Variants in KIF6 observed in about 807,000 individuals in gnomAD.
KIF6 encodes the protein kinesin-like protein KIF6.
In KIF6, 106 loss-of-function variants were observed where a neutral mutation model predicts 112.7. That is an observed-to-expected ratio of 0.94 (90% confidence interval 0.80 to 1.11). The LOEUF is 1.11. KIF6 is among the 50% of genes least tolerant of loss of function. The pLI, the probability that KIF6 is intolerant of heterozygous loss-of-function variation, is 0.00. For synonymous variants in KIF6, 339 were observed against 339.9 expected (o/e 1.00, Z 0.03); for missense variants, 929 against 964.0 (o/e 0.96, Z 0.48).
At chr6:39,361,330 G>A (rs559382036) in intron 17 of KIF6, among the ~76,000 whole-genome samples, 1 of 152,050 alleles carries the variant, frequency 6.6e-6, no homozygotes, top group East Asian at 1.9e-4. Flanking sequence ...AGGCTGAGGC[G>A]GGTGGATCAC....
At chr6:39,587,517 C>G (rs775466304) in intron 7 of KIF6, among the ~76,000 whole-genome samples, 25 of 152,196 alleles carry the variant, frequency 1.6e-4, no homozygotes, top group Non-Finnish European at 3.4e-4. Flanking sequence ...TGTGATCTCT[C>G]TCTCTCAAAA....
Position 39,336,543 on chromosome 6 carries a change from C to T in KIF6, c.2434G>A (p.Gly812Arg). Residue 812 changes from glycine to arginine, a missense_variant, in exon 23 of 23, where the codon GGA becomes AGA. Gly to Arg is a moderately radical substitution (Grantham distance 125). Around this residue, in one of 2 missense-constraint regions of KIF6, gnomAD observed 241 missense variants for 301.4 expected, o/e 0.80. Coordinates refer to ENST00000287152, the MANE Select transcript of KIF6 (RefSeq NM_145027.6). ...TATTTCCTGGAAATTCAATTGCTTC[C>T]CAAACCTGAAAGGGAGACAGGATGC... ...RQSILQKQCLGSN is the reference protein window; with the variant it reads ...RQSILQKQCLRSN 1 of 1,614,004 alleles carries T rather than the reference C, an allele frequency of 6.2e-7. No homozygotes were observed. The highest frequency in any genetic ancestry group is 8.5e-7 in the Non-Finnish European group (1 of 1,179,908).
intron 5 of KIF6, among the ~76,000 whole-genome samples, chr6:39,632,001 T>G (rs1430151447): frequency 6.6e-6 from 1 of 152,182 alleles, no homozygotes; most frequent in East Asian, 1.9e-4. Flanking sequence ...TTAATCACCT[T>G]TGATTGTTAA....
intron 3 of KIF6, among the ~76,000 whole-genome samples, chr6:39,664,835 C>T (rs1786372703): frequency 6.6e-6 from 1 of 151,988 alleles, no homozygotes; most frequent in African/African-American, 2.4e-5. Flanking sequence ...CCTGGAAGAT[C>T]AAAATCTGGG....
At chr6:39,471,699 A>C (rs1341061480) in intron 13 of KIF6, among the ~76,000 whole-genome samples, 1 of 152,154 alleles carries the variant, frequency 6.6e-6, no homozygotes, top group Non-Finnish European at 1.5e-5. Flanking sequence ...GGTAACTCCT[A>C]TTTTTGTAAT....
rs573311257 is a variant in KIF6 at position 39,647,704 on chromosome 6, T to C, written c.252-7947A>G. ...AACCTAGGTCAAACAGTGAAGGCCC[T>C]GATTTTTTTTTTTTTTTTTTGAGAC... On this transcript the variant is annotated intron_variant, in intron 3 of 22. Transcript: ENST00000287152. 1.4e-3 allele frequency among the ~76,000 whole-genome samples: 203 copies of C among 147,344 alleles called. 1 individual carries two copies. The highest frequency in any genetic ancestry group is 5.0e-3 in the African/African-American group (194 of 38,938).
chr6:39,356,866 C>T (rs1386113564), intron 19 of KIF6, among the ~76,000 whole-genome samples: 1 of 152,150 alleles, frequency 6.6e-6, no homozygotes, highest in Non-Finnish European at 1.5e-5. Context: ...CTACCTGGAT[C>T]CTGGCTAGGA....
intron 5 of KIF6, among the ~76,000 whole-genome samples, chr6:39,621,946 A>G (rs936823331): frequency 9.9e-5 from 15 of 152,076 alleles, no homozygotes; most frequent in African/African-American, 2.9e-4. Flanking sequence ...TGGGTGGATC[A>G]CCTGAGGTCA....
intron 15 of KIF6, among the ~76,000 whole-genome samples, chr6:39,419,689 C>T (rs575028237): frequency 1.3e-5 from 2 of 152,298 alleles, no homozygotes; most frequent in East Asian, 3.9e-4. Flanking sequence ...AAAAGCACAA[C>T]TCTCTGATTG....
intron 7 of KIF6, among the ~76,000 whole-genome samples, chr6:39,589,446 C>T (rs949511911): frequency 2.6e-5 from 4 of 152,228 alleles, no homozygotes; most frequent in African/African-American, 7.2e-5. Context: ...GCTCGACCCC[C>T]ACTGCGGAGA....
At position 39,343,686 on chromosome 6, in the gene KIF6, G is replaced by A. The variant is rs762601987; in HGVS notation, c.2428+23C>T. The A allele has an allele frequency of 1.2e-5, 19 of 1,552,464 alleles. No homozygotes were observed. Among genetic ancestry groups the A allele is most frequent in the Non-Finnish European group, 1.7e-5 (19 of 1,136,750 alleles). ...GTTGGTGACCTGCTGCCCAGGAGGA[G>A]CCACCGAGGGAGGTGCACTTACATT... On this transcript the variant is annotated intron_variant, in intron 22 of 22. Transcript: ENST00000287152. This position sits in a 1 kb window ranked among gnomAD's most constrained non-coding sequence, Gnocchi z 4.1.
intron 13 of KIF6, among the ~76,000 whole-genome samples, chr6:39,437,579 T>C (rs1370370381): frequency 6.6e-6 from 1 of 152,226 alleles, no homozygotes; most frequent in Non-Finnish European, 1.5e-5. Context: ...GCCACCATGC[T>C]ACTGGACAGT....
intron 3 of KIF6, among the ~76,000 whole-genome samples, chr6:39,697,413 A>C (rs1196627491): frequency 6.6e-6 from 1 of 152,202 alleles, no homozygotes; most frequent in Non-Finnish European, 1.5e-5. Flanking sequence ...CTGAGACTGA[A>C]GTCAACATAT....
At chr6:39,432,052 G>C (rs757584358) in intron 13 of KIF6, among the ~76,000 whole-genome samples, 2 of 151,612 alleles carry the variant, frequency 1.3e-5, no homozygotes, top group African/African-American at 4.9e-5. Context: ...TGGAGCTTTC[G>C]TCAAAGCCCA....
At chr6:39,560,221 G>T (rs557335194) in intron 10 of KIF6, among the ~76,000 whole-genome samples, 14 of 152,204 alleles carry the variant, frequency 9.2e-5, no homozygotes, top group Non-Finnish European at 1.9e-4. Flanking sequence ...GCCCAGTGCT[G>T]CTGCTCTTAT....
intron 15 of KIF6, among the ~76,000 whole-genome samples, chr6:39,389,255 A>T (rs948541174): frequency 2.0e-5 from 3 of 151,814 alleles, no homozygotes; most frequent in African/African-American, 7.3e-5. Flanking sequence ...TAAGCTTCAC[A>T]CTCTATTTTG....
rs137958880 is a variant in KIF6 at position 39,594,621 on chromosome 6, C to G, written c.846+1433G>C. ...ATGTGCACCTTGTTCAGATAGGGTC[C>G]CTTAGGTTTCTCTCCATCTGCGTTT... is the stretch of plus-strand genomic sequence containing the variant. On this transcript the variant is annotated intron_variant, in intron 7 of 22. Transcript: ENST00000287152. Among the ~76,000 whole-genome samples, 1,243 of 152,206 alleles carry G rather than the reference C, an allele frequency of 8.2e-3. 13 individuals are homozygous for G. Among genetic ancestry groups the G allele is most frequent in the Non-Finnish European group, 0.011 (755 of 67,998 alleles).
At chr6:39,484,594 G>A (rs1775006850) in intron 13 of KIF6, among the ~76,000 whole-genome samples, 1 of 152,122 alleles carries the variant, frequency 6.6e-6, no homozygotes, top group East Asian at 1.9e-4. Context: ...TAAAGACTTT[G>A]AACTTTATTT....
At chr6:39,453,324 C>T (rs1210418354) in intron 13 of KIF6, among the ~76,000 whole-genome samples, 1 of 152,136 alleles carries the variant, frequency 6.6e-6, no homozygotes, top group Non-Finnish European at 1.5e-5. Context: ...GAAATGGGTC[C>T]AGGGTGGACT....
Sources: allele counts gnomAD v4.1 joint callset (sites outside exome capture counted in the v4.1 genomes callset), GRCh38; gene constraint gnomAD v4.1.1; regional missense constraint gnomAD v4.1.1; non-coding constraint Gnocchi (gnomAD v3.1); transcripts MANE v1.5; gene names NCBI Gene and HGNC (gene_info 2026-07-23, HGNC 2026-07-21).